DRAM2: variants seen among roughly 807,000 people sequenced by gnomAD.
The protein encoded by DRAM2 is DNA damage regulated autophagy modulator 2.
DRAM2 carries 26 observed loss-of-function variants against 33.5 expected under a neutral mutation model. The ratio of observed to expected loss-of-function variants is 0.78; its 90% confidence interval spans 0.57 to 1.08. The LOEUF is 1.08. Among genes scored for constraint, DRAM2 ranks in the 50% least tolerant of loss-of-function variants. The probability of loss-of-function intolerance (pLI) is 0.00; values close to 1 mark genes in which losing one functional copy is unlikely to be tolerated. For synonymous variants in DRAM2, 98 were observed against 109.5 expected (o/e 0.89, Z 0.66); for missense variants, 311 against 318.1 (o/e 0.98, Z 0.17).
At chr1:111,128,913 G>C (rs180968629) in intron 4 of DRAM2, among the ~76,000 whole-genome samples, 1 of 152,138 alleles carries the variant, frequency 6.6e-6, no homozygotes, top group African/African-American at 2.4e-5. Flanking sequence ...TGTACCTTCC[G>C]GAGTTACTAA....
At chr1:111,130,461 T>C (rs991775611) in intron 4 of DRAM2, among the ~76,000 whole-genome samples, 2 of 152,296 alleles carry the variant, frequency 1.3e-5, no homozygotes, top group African/African-American at 2.4e-5. Context: ...ATTCCAGCAC[T>C]TTGGGAGGCC....
Position 111,131,419 on chromosome 1 carries a change from C to A in DRAM2, c.131+5G>T, listed in dbSNP as rs759934644. 1.2e-6 allele frequency: 2 copies of A among 1,611,520 alleles called. No homozygotes were observed. The highest frequency in any genetic ancestry group is 1.7e-5 in the Admixed American group (1 of 59,464). On this transcript the variant is annotated splice_donor_5th_base_variant and intron_variant, in intron 4 of 9. Transcript: ENST00000484310. ...TCTCCTATACAAAGAATACATTTCA[C>A]TTACCTGATATAAGGTAAAGCCGGG...
chr1:111,126,787 T>C (rs548039381), intron 4 of DRAM2, among the ~76,000 whole-genome samples: 1 of 152,274 alleles, frequency 6.6e-6, no homozygotes, highest in South Asian at 2.1e-4. Flanking sequence ...GGGAACACAG[T>C]GATAAGTAAA....
At chr1:111,126,344 A>G in intron 4 of DRAM2, 50 bp from the exon 5 acceptor site, 1 of 1,075,230 alleles carries the variant, frequency 9.3e-7, no homozygotes, top group South Asian at 1.3e-5. Context: ...AGATAAACAC[A>G]TATATTTCTT....
At chr1:111,124,156 GT>G (rs1373588148) in intron 6 of DRAM2, among the ~76,000 whole-genome samples, 2 of 151,988 alleles carry the variant, frequency 1.3e-5, no homozygotes, top group African/African-American at 4.8e-5. Context: ...TGAGCCCAAT[GT>G]TTCTTTCCTA....
chr1:111,117,559 GA>G lies in DRAM2; in HGVS notation c.*600del, dbSNP rs543844716. ...AGCTTAGTATCTGGCATTGTGGCCA[GA>G]AAAAAAAAAATCGTTACCTACAAAA... is the stretch of plus-strand genomic sequence containing the variant. On this transcript the variant is annotated 3_prime_UTR_variant, in exon 10 of 10. Transcript: ENST00000484310. The G allele has an allele frequency of 3.1e-4, 46 of 146,518 alleles. No individual in the cohort carries two copies. Among genetic ancestry groups the G allele is most frequent in the Non-Finnish European group, 5.1e-4 (34 of 66,332 alleles). The allele number at this position is 146,518 out of a possible 1,614,324, so 9.1% of individuals were successfully genotyped here.
Position 111,124,844 on chromosome 1 carries a change from A to G in DRAM2, c.237T>C (p.His79=). 4 of 1,613,398 alleles carry G rather than the reference A, an allele frequency of 2.5e-6. No homozygotes were observed. The highest frequency in any genetic ancestry group is 3.4e-6 in the Non-Finnish European group (4 of 1,179,654). ...ATIYVRYKQV[H]ALSPEENVII... ...TAACGTTCTCTTCAGGACTCAGAGC[A>G]TGAACTTGCTTATAACGAACATAAA... The change falls in exon 6 of 10, where the codon CAT becomes CAC. Residue 79 remains histidine (H), a synonymous_variant. Transcript: ENST00000484310.
intron 3 of DRAM2, among the ~76,000 whole-genome samples, chr1:111,135,915 A>G (rs1055399594): frequency 6.6e-6 from 1 of 152,136 alleles, no homozygotes; most frequent in Non-Finnish European, 1.5e-5. Context: ...ACTATTCATG[A>G]TTTTTCTATT....
chr1:111,127,189 C>T (rs1651182581), intron 4 of DRAM2, among the ~76,000 whole-genome samples: 1 of 151,882 alleles, frequency 6.6e-6, no homozygotes, highest in Admixed American at 6.6e-5. Context: ...TGGGAGATAC[C>T]CATTAAATAT....
intron 6 of DRAM2, among the ~76,000 whole-genome samples, chr1:111,123,169 T>G (rs1296874124): frequency 1.3e-5 from 2 of 152,220 alleles, no homozygotes; most frequent in East Asian, 3.8e-4. Context: ...GAACTCTATT[T>G]GTGGCACAGA....
rs745473812 is a variant in DRAM2, at chr1:111,119,906, G to C, written c.571C>G (p.Gln191Glu). 4.3e-6 allele frequency: 7 copies of C among 1,612,750 alleles called. No homozygotes were observed. The African/African-American group carries it at 9.4e-5, about 22-fold the overall frequency. ...HSGNFGTDLE[Q>E]KLHWNPEDKG... Reference sequence around the variant, plus strand: ...TCCTCGGGGTTCCAATGGAGTTTCTGTTCTAAATCAGTCCCAAAATTGCCA... The same window carrying C: ...TCCTCGGGGTTCCAATGGAGTTTCTCTTCTAAATCAGTCCCAAAATTGCCA... Residue 191 changes from glutamine (Q) to glutamate (E), a missense_variant, in exon 8 of 10, where the codon CAG becomes GAG. By Grantham distance (29) the Gln-to-Glu change is conservative. Coordinates refer to ENST00000484310, the MANE Select transcript of DRAM2 (RefSeq NM_001349884.2).
At chr1:111,132,476 T>C (rs949849508) in intron 3 of DRAM2, among the ~76,000 whole-genome samples, 7 of 152,202 alleles carry the variant, frequency 4.6e-5, no homozygotes, top group African/African-American at 1.7e-4. Flanking sequence ...GTGTCAGAAG[T>C]TGGGAGGTAG....
At chr1:111,120,946 T>A (rs1389616469) in intron 6 of DRAM2, among the ~76,000 whole-genome samples, 1 of 152,172 alleles carries the variant, frequency 6.6e-6, no homozygotes. Context: ...TCATTTATTA[T>A]TTTCTTCATT....
At chr1:111,131,227 G>C (rs650511) in intron 4 of DRAM2, among the ~76,000 whole-genome samples, 197 bp downstream of exon 4, 7,601 of 152,224 alleles carry the variant, frequency 0.05, 232 homozygotes, top group East Asian at 0.13. Flanking sequence ...TTCACAAACT[G>C]AATCTTATTG....
At chr1:111,127,948 A>T (rs553949694) in intron 4 of DRAM2, 1 of 152,284 alleles carries the variant, frequency 6.6e-6, no homozygotes, top group African/African-American at 2.4e-5. Flanking sequence ...TTAGATTAAA[A>T]ATATACATAG....
At chr1:111,139,239 T>G (rs1653959393) in intron 2 of DRAM2, 1 of 152,210 alleles carries the variant, frequency 6.6e-6, no homozygotes. Context: ...GGTTACTGAT[T>G]TATAAATTAA....
At chr1:111,125,003 A>C (rs1389520670) in intron 5 of DRAM2, 122 bp from the exon 6 acceptor site, 1 of 888,914 alleles carries the variant, frequency 1.1e-6, no homozygotes, top group Non-Finnish European at 1.6e-6. Flanking sequence ...AAAATTAATC[A>C]GAGAGAATAA....
chr1:111,124,364 A>G (rs1291792120), intron 6 of DRAM2, among the ~76,000 whole-genome samples: 1 of 152,240 alleles, frequency 6.6e-6, no homozygotes, highest in Non-Finnish European at 1.5e-5. Context: ...TAAAATAGGT[A>G]AATGATTATA....
At position 111,126,253 on chromosome 1, in the gene DRAM2, G is replaced by A; in HGVS notation, c.173C>T (p.Ala58Val). ...TAAAACTGCCGCAATATTTAGCATT[G>A]CCCCAAATAAGCATTTTTCTGGAGC... ...TVAPEKCLFG[A>V]MLNIAAVLCI... The change falls in exon 5 of 10, where the codon GCA becomes GTA. Residue 58 changes from alanine to valine, a missense_variant. Ala to Val is a moderately conservative substitution (Grantham distance 64). Coordinates refer to ENST00000484310, the MANE Select transcript of DRAM2 (RefSeq NM_001349884.2). 1 of 1,609,912 alleles carries A rather than the reference G, an allele frequency of 6.2e-7. No homozygotes were observed. The highest frequency in any genetic ancestry group is 1.1e-5 in the South Asian group (1 of 90,736).
Sources: gnomAD v4.1 joint callset for allele counts (sites outside exome capture counted in the v4.1 genomes callset) on GRCh38, gnomAD v4.1.1 for gene constraint, MANE v1.5 for transcripts, NCBI Gene and HGNC (gene_info 2026-07-23, HGNC 2026-07-21) for gene names.